RORA: variants seen among roughly 807,000 people sequenced by gnomAD.
RORA encodes the protein RAR related orphan receptor A.
Under a neutral mutation model 69.5 loss-of-function variants are expected in RORA, and 7 were observed. The observed-to-expected ratio is 0.10, with a 90% CI of 0.06 to 0.19. The LOEUF (loss-of-function observed/expected upper bound fraction) is 0.19. RORA is among the 10% of genes least tolerant of loss of function. The probability of loss-of-function intolerance (pLI) is 1.00; values close to 1 mark genes in which losing one functional copy is unlikely to be tolerated. For missense variants in RORA, 457 were observed against 663.0 expected, an observed-to-expected ratio of 0.69 and a Z score of 3.41; for synonymous variants, 261 against 240.8, an observed-to-expected ratio of 1.08 and a Z score of -0.78.
chr15:61,024,797 G>A (rs1895718234), intron 1 of RORA, among the ~76,000 whole-genome samples: 2 of 151,844 alleles, frequency 1.3e-5, no homozygotes, highest in African/African-American at 4.8e-5. Context: ...TCCCAATGTT[G>A]CCCAGGCTGG....
At chr15:60,935,875 T>G (rs1892504944) in intron 1 of RORA, among the ~76,000 whole-genome samples, 1 of 152,212 alleles carries the variant, frequency 6.6e-6, no homozygotes, top group East Asian at 1.9e-4. Context: ...TCCCAAAAGT[T>G]AGCTTTGCCC....
chr15:60,656,138 T>G (rs570129671), intron 2 of RORA, among the ~76,000 whole-genome samples: 1 of 152,300 alleles, frequency 6.6e-6, no homozygotes, highest in Non-Finnish European at 1.5e-5. Context: ...TGATTGGCCC[T>G]TAGAATCAGA....
At chr15:60,687,049 A>T (rs1459258520) in intron 1 of RORA, among the ~76,000 whole-genome samples, 1 of 152,244 alleles carries the variant, frequency 6.6e-6, no homozygotes, top group African/African-American at 2.4e-5. Flanking sequence ...GACCAAGGGT[A>T]TCACTATGTA....
In RORA at chr15:61,213,582, G is replaced by T. The variant is rs916989319; in HGVS notation, c.166+15471C>A. ...CCCCTTGGGTGCCTCAGCCTGGAAT[G>T]CCCTGTCACTTTTTGCCAAAAGAAT... On this transcript the variant is annotated intron_variant, in intron 1 of 10. Coordinates refer to ENST00000335670, the MANE Select transcript of RORA (RefSeq NM_134261.3). The surrounding 1 kb of genome is among the most constrained non-coding windows in gnomAD (Gnocchi z 4.1). Among the ~76,000 whole-genome samples, 6 of 152,126 alleles carry T rather than the reference G, an allele frequency of 3.9e-5. No individual in the cohort carries two copies. Among genetic ancestry groups the T allele is most frequent in the Non-Finnish European group, 8.8e-5 (6 of 68,046 alleles).
chr15:60,519,802 T>TACTG (rs1296682169), intron 3 of RORA, among the ~76,000 whole-genome samples: 4 of 151,242 alleles, frequency 2.6e-5, no homozygotes, highest in Admixed American at 6.6e-5. Context: ...TGCTTCACCT[T>TACTG]ATTTCTAAAT....
chr15:60,973,964 C>T (rs930563290), intron 1 of RORA, among the ~76,000 whole-genome samples: 1 of 152,240 alleles, frequency 6.6e-6, no homozygotes, highest in Non-Finnish European at 1.5e-5. Context: ...GTCACCTTTT[C>T]ACTGGGGCCA....
At chr15:60,921,228 T>A (rs1337148909) in intron 1 of RORA, among the ~76,000 whole-genome samples, 1 of 152,176 alleles carries the variant, frequency 6.6e-6, no homozygotes, top group Non-Finnish European at 1.5e-5. Flanking sequence ...AGGACATGTA[T>A]AAGAATATTC....
At chr15:60,543,342 ATC>A (rs1342654978) in intron 2 of RORA, among the ~76,000 whole-genome samples, 2 of 152,026 alleles carry the variant, frequency 1.3e-5, no homozygotes, top group East Asian at 1.9e-4. Context: ...CACTTTCTTA[ATC>A]TCTCTGTGCC....
At chr15:60,838,570 TA>T (rs1233329820) in intron 1 of RORA, among the ~76,000 whole-genome samples, 1 of 152,104 alleles carries the variant, frequency 6.6e-6, no homozygotes, top group Non-Finnish European at 1.5e-5. Context: ...AAGTTTTCTT[TA>T]GAAAAAAAAG....
chr15:60,539,858 G>A (rs144633411), intron 2 of RORA, among the ~76,000 whole-genome samples: 10 of 152,228 alleles, frequency 6.6e-5, no homozygotes, highest in Admixed American at 6.5e-4. Context: ...ATGGTTCTCA[G>A]TTGGCGTAAG....
intron 2 of RORA, among the ~76,000 whole-genome samples, chr15:60,551,655 A>G (rs2067230447): frequency 6.6e-6 from 1 of 152,220 alleles, no homozygotes; most frequent in Non-Finnish European, 1.5e-5. Flanking sequence ...CCTCTAGTAA[A>G]TCATAGTTTT....
intron 1 of RORA, among the ~76,000 whole-genome samples, chr15:60,812,967 G>A (rs1407968136): frequency 6.6e-6 from 1 of 152,218 alleles, no homozygotes; most frequent in African/African-American, 2.4e-5. Context: ...CTGGTCAGAA[G>A]AGGCTGTGCC....
chr15:60,627,429 G>T lies in RORA; in HGVS notation c.196+51228C>A. Reference sequence around the variant, plus strand: ...GAAACTGGGGCTGTGCTTTGCCCCAGTGTACTATGGAGTCCAAGGTGATCA... The same window carrying T: ...GAAACTGGGGCTGTGCTTTGCCCCATTGTACTATGGAGTCCAAGGTGATCA... On this transcript the variant is annotated intron_variant, in intron 2 of 10. Coordinates refer to ENST00000335670, the MANE Select transcript of RORA (RefSeq NM_134261.3). The T allele has an allele frequency of 1.9e-6, 3 of 1,609,644 alleles. No individual in the cohort carries two copies. In the East Asian group the frequency reaches 6.7e-5, roughly 36 times the overall value.
chr15:60,973,406 A>G (rs1893782709), intron 1 of RORA, among the ~76,000 whole-genome samples: 1 of 152,198 alleles, frequency 6.6e-6, no homozygotes, highest in African/African-American at 2.4e-5. Context: ...CACCTACCCA[A>G]TTTCTCTGCC....
intron 1 of RORA, among the ~76,000 whole-genome samples, chr15:60,868,078 T>C (rs1048199089): frequency 6.6e-6 from 1 of 152,228 alleles, no homozygotes; most frequent in African/African-American, 2.4e-5. Context: ...TATATAAATA[T>C]ACAAATAACA....
intron 1 of RORA, among the ~76,000 whole-genome samples, chr15:61,215,935 C>T (rs1009203459): frequency 3.3e-5 from 5 of 152,124 alleles, no homozygotes; most frequent in East Asian, 3.9e-4. Flanking sequence ...TCATTACTAC[C>T]GCATATTAGA....
intron 1 of RORA, chr15:61,194,142 T>G (rs571388024): frequency 5.3e-5 from 8 of 152,360 alleles, no homozygotes; most frequent in African/African-American, 1.9e-4. Flanking sequence ...GAAGGTAAAC[T>G]GAATGCCTTT....
chr15:60,589,107 C>G (rs530973627), intron 2 of RORA, among the ~76,000 whole-genome samples: 4 of 152,334 alleles, frequency 2.6e-5, no homozygotes, highest in Non-Finnish European at 5.9e-5. Flanking sequence ...CCCAATCCTT[C>G]CCATCACAAG....
chr15:61,079,824 TGA>T (rs2078512365), intron 1 of RORA, among the ~76,000 whole-genome samples: 1 of 152,204 alleles, frequency 6.6e-6, no homozygotes, highest in Non-Finnish European at 1.5e-5. Flanking sequence ...GTGGTGGTGG[TGA>T]AGAGCTCGTG....
Sources: allele counts gnomAD v4.1 joint callset (sites outside exome capture counted in the v4.1 genomes callset), GRCh38; gene constraint gnomAD v4.1.1; non-coding constraint Gnocchi (gnomAD v3.1); transcripts MANE v1.5; gene names NCBI Gene and HGNC (gene_info 2026-07-23, HGNC 2026-07-21).